FGD3: variants seen among roughly 807,000 people sequenced by gnomAD.
FGD3 encodes FYVE, RhoGEF and PH domain containing 3.
Under a neutral mutation model 71.8 loss-of-function variants are expected in FGD3, and 45 were observed. The ratio of observed to expected loss-of-function variants is 0.63; its 90% CI spans 0.49 to 0.80. The LOEUF (loss-of-function observed/expected upper bound fraction) is 0.80. Among genes scored for constraint, FGD3 ranks in the 30% least tolerant of loss-of-function variants. The pLI is 0.00. For missense variants in FGD3, 844 were observed against 951.5 expected, an observed-to-expected ratio of 0.89 and a Z score of 1.49; for synonymous variants, 378 against 392.8, an observed-to-expected ratio of 0.96 and a Z score of 0.44.
intron 15 of FGD3, 62 bp downstream of exon 15, chr9:93,030,058 AGCT>A: frequency 6.3e-7 from 1 of 1,575,836 alleles, no homozygotes; most frequent in Non-Finnish European, 8.6e-7. Context: ...CTGACAGAGC[AGCT>A]GAGTCCTCAC....
At chr9:92,964,898 T>C (rs1859256832) in intron 1 of FGD3, among the ~76,000 whole-genome samples, 1 of 152,156 alleles carries the variant, frequency 6.6e-6, no homozygotes, top group Non-Finnish European at 1.5e-5. Flanking sequence ...GGGCTAGGCT[T>C]TCCCACACAG....
intron 3 of FGD3, among the ~76,000 whole-genome samples, chr9:93,002,193 A>G (rs1318625709): frequency 2.0e-5 from 3 of 152,174 alleles, no homozygotes; most frequent in Non-Finnish European, 4.4e-5. Flanking sequence ...CTCCATCCTC[A>G]TAACATCCCT....
At chr9:93,031,499 G>A (rs991604018) in intron 15 of FGD3, among the ~76,000 whole-genome samples, 1 of 152,208 alleles carries the variant, frequency 6.6e-6, no homozygotes, top group Admixed American at 6.5e-5. Context: ...GGCTTTCATT[G>A]CCTTGGTTTG....
chr9:92,961,893 A>G (rs1859173551), intron 1 of FGD3, among the ~76,000 whole-genome samples: 1 of 152,202 alleles, frequency 6.6e-6, no homozygotes, highest in Non-Finnish European at 1.5e-5. Flanking sequence ...TCAGCAAGGA[A>G]AGGCAAAAGC....
At position 93,035,806 on chromosome 9, in the gene FGD3, TC is replaced by T; in HGVS notation, c.*219del. ...GCAAGTTTTGGCTAAGAGCCTGGCC[TC>T]CAGCCCCAGCAGTGTGGCCCAGAGC... On this transcript the variant is annotated 3_prime_UTR_variant, in exon 18 of 18. Coordinates refer to ENST00000375482, the MANE Select transcript of FGD3 (RefSeq NM_001083536.2). The T allele has an allele frequency of 1.6e-6, 1 of 625,310 alleles. No homozygotes were observed. Among genetic ancestry groups the T allele is most frequent in the Non-Finnish European group, 2.6e-6 (1 of 386,014 alleles). 38.7% of individuals were successfully genotyped at this position (625,310 alleles called of 1,614,324 possible). A position where few individuals can be genotyped will look rare whatever the true frequency, so the allele number is the denominator to read the frequency against.
intron 1 of FGD3, among the ~76,000 whole-genome samples, chr9:92,956,931 G>C (rs979458213): frequency 6.9e-6 from 1 of 144,906 alleles, no homozygotes; most frequent in African/African-American, 2.6e-5. Flanking sequence ...CTTGACCTCC[G>C]GGGCTCAAGC....
chr9:93,031,148 G>A (rs1277851997), intron 15 of FGD3, among the ~76,000 whole-genome samples: 1 of 152,106 alleles, frequency 6.6e-6, no homozygotes, highest in African/African-American at 2.4e-5. Flanking sequence ...AGGATGGATG[G>A]GCAGGCAAGT....
chr9:93,003,118 G>A lies in FGD3; in HGVS notation c.543+104G>A. ...AATACTAAAACTCAGACAAATTTAA[G>A]TCTGGTCTACAAACTTTTTTTTTTT... On this transcript the variant is annotated intron_variant, in intron 4 of 17. Coordinates refer to ENST00000375482, the MANE Select transcript of FGD3 (RefSeq NM_001083536.2). This position sits in a 1 kb window ranked among gnomAD's most constrained non-coding sequence, Gnocchi z 4.1. 2.7e-6 allele frequency: 3 copies of A among 1,119,040 alleles called. No homozygotes were observed. Among genetic ancestry groups the A allele is most frequent in the South Asian group, 2.8e-5 (2 of 72,024 alleles). The allele number at this position is 1,119,040 out of a possible 1,614,324, so 69.3% of individuals were successfully genotyped here. A position where few individuals can be genotyped will look rare whatever the true frequency, so the allele number is the denominator to read the frequency against.
chr9:93,002,174 G>A (rs1860878510), intron 3 of FGD3, among the ~76,000 whole-genome samples: 1 of 152,168 alleles, frequency 6.6e-6, no homozygotes, highest in Non-Finnish European at 1.5e-5. Context: ...TTTCATATGT[G>A]TTGTTCCACT....
At position 92,976,204 on chromosome 9, in the gene FGD3, A is replaced by G. The variant is rs1859745651; in HGVS notation, c.-49-4A>G. 1.4e-6 allele frequency: 2 copies of G among 1,446,046 alleles called. No individual in the cohort carries two copies. Among genetic ancestry groups the G allele is most frequent in the Non-Finnish European group, 1.8e-6 (2 of 1,088,368 alleles). The allele number at this position is 1,446,046 out of a possible 1,614,324, so 89.6% of individuals were successfully genotyped here. A position where few individuals can be genotyped will look rare whatever the true frequency, so the allele number is the denominator to read the frequency against. ...ACTGACTCTGGCTTGTTTCTCCCCT[A>G]CAGGAAGCCCCTGGCCAGCCTCCAC... On this transcript the variant is annotated splice_polypyrimidine_tract_variant and splice_region_variant and intron_variant, in intron 2 of 17. Transcript: ENST00000375482.
chr9:92,996,949 T>C (rs193249053), intron 3 of FGD3, among the ~76,000 whole-genome samples: 149 of 152,338 alleles, frequency 9.8e-4, no homozygotes, highest in African/African-American at 3.2e-3. Flanking sequence ...AGAATTTATA[T>C]TCTGTTGATC....
At chr9:93,017,600 T>C (rs1861750989) in intron 10 of FGD3, among the ~76,000 whole-genome samples, 1 of 152,176 alleles carries the variant, frequency 6.6e-6, no homozygotes, top group South Asian at 2.1e-4. Context: ...GCTGCGGTTC[T>C]ATGAAGAAGT....
At chr9:92,991,668 A>G (rs1252676034) in intron 3 of FGD3, among the ~76,000 whole-genome samples, 1 of 152,102 alleles carries the variant, frequency 6.6e-6, no homozygotes, top group East Asian at 1.9e-4. Context: ...TGTTAGGTCC[A>G]TTTGTTCTAT....
intron 8 of FGD3, among the ~76,000 whole-genome samples, chr9:93,012,301 A>T (rs1301375807): frequency 6.6e-6 from 1 of 152,120 alleles, no homozygotes; most frequent in Non-Finnish European, 1.5e-5. Flanking sequence ...CAAAACTCAC[A>T]CACCTCTCAG....
intron 13 of FGD3, chr9:93,020,639 G>T (rs1346716751): frequency 5.6e-6 from 3 of 532,090 alleles, no homozygotes; most frequent in Non-Finnish European, 1.0e-5. Flanking sequence ...TTGTGGATGG[G>T]ATAACACCCA....
intron 10 of FGD3, among the ~76,000 whole-genome samples, chr9:93,016,461 C>G (rs1452017312): frequency 6.6e-6 from 1 of 151,602 alleles, no homozygotes; most frequent in Admixed American, 6.6e-5. Flanking sequence ...CCTCACCCTC[C>G]TGTGTAGCTG....
chr9:92,990,809 GATTTGGTTTGCGGGT>G (rs1254123973), intron 3 of FGD3, among the ~76,000 whole-genome samples: 1 of 152,156 alleles, frequency 6.6e-6, no homozygotes, highest in African/African-American at 2.4e-5. Flanking sequence ...TGTGCTGTTG[GATTTGGTTTGCGGGT>G]ATTTTGTTGA....
chr9:93,004,574 C>G (rs1199680494), intron 5 of FGD3, among the ~76,000 whole-genome samples: 1 of 152,218 alleles, frequency 6.6e-6, no homozygotes, highest in Non-Finnish European at 1.5e-5. Context: ...CTCTGTCCCA[C>G]TGCTGCTTCT....
At chr9:92,960,044 C>A (rs543796730) in intron 1 of FGD3, among the ~76,000 whole-genome samples, 1 of 152,028 alleles carries the variant, frequency 6.6e-6, no homozygotes, top group African/African-American at 2.4e-5. Context: ...GTCTCCATAT[C>A]CCCATGTCTC....
Sources: gnomAD v4.1 joint callset for allele counts (sites outside exome capture counted in the v4.1 genomes callset) on GRCh38, gnomAD v4.1.1 for gene constraint, Gnocchi (gnomAD v3.1) non-coding constraint, MANE v1.5 for transcripts, NCBI Gene and HGNC (gene_info 2026-07-23, HGNC 2026-07-21) for gene names.